Variants in UBE3D observed in about 807,000 individuals in gnomAD.
UBE3D encodes the protein E3 ubiquitin-protein ligase E3D.
A neutral mutation model predicts 49.6 loss-of-function variants in UBE3D; 48 were observed. That is an observed-to-expected ratio of 0.97 (90% CI 0.77 to 1.23). The LOEUF (loss-of-function observed/expected upper bound fraction) is 1.23. Among genes scored for constraint, UBE3D ranks in the 50% most tolerant of loss-of-function variants. The pLI is 0.00. For missense variants in UBE3D, 452 were observed against 468.4 expected (o/e 0.96, Z 0.32); for synonymous variants, 189 against 174.2 (o/e 1.08, Z -0.67).
intron 8 of UBE3D, among the ~76,000 whole-genome samples, chr6:82,992,711 T>TTGTAATTC (rs1778977952): frequency 1.3e-5 from 2 of 152,178 alleles, no homozygotes; most frequent in Admixed American, 1.3e-4. Flanking sequence ...GATCCAGTAG[T>TTGTAATTC]TGTAATTCCT....
At chr6:83,063,622 G>C (rs1309229132) in intron 1 of UBE3D, among the ~76,000 whole-genome samples, 1 of 151,958 alleles carries the variant, frequency 6.6e-6, no homozygotes, top group East Asian at 1.9e-4. Context: ...TTGCTAAAAA[G>C]CAAGTGAAAA....
chr6:82,929,216 T>C (rs1197714232), intron 9 of UBE3D, among the ~76,000 whole-genome samples: 2 of 152,164 alleles, frequency 1.3e-5, no homozygotes, highest in Non-Finnish European at 2.9e-5. Context: ...TCAACAGCCA[T>C]GTTTGTCTTA....
chr6:83,036,706 G>A (rs1782283191), intron 5 of UBE3D: 1 of 151,516 alleles, frequency 6.6e-6, no homozygotes, highest in African/African-American at 2.4e-5. Context: ...TGTAGGATGA[G>A]TGAATATAAG....
At chr6:83,027,350 C>A (rs560359942) in intron 5 of UBE3D, among the ~76,000 whole-genome samples, 2 of 144,900 alleles carry the variant, frequency 1.4e-5, no homozygotes, top group Non-Finnish European at 3.0e-5. Context: ...GCAGGAGAAT[C>A]GCTTGAACCC....
intron 8 of UBE3D, among the ~76,000 whole-genome samples, chr6:83,016,171 T>C (rs1780684258): frequency 6.6e-6 from 1 of 152,220 alleles, no homozygotes; most frequent in South Asian, 2.1e-4. Context: ...TCTTAGCAGA[T>C]TTGAGGCTTA....
chr6:82,970,889 C>G (rs1393343462), intron 8 of UBE3D, among the ~76,000 whole-genome samples: 1 of 151,894 alleles, frequency 6.6e-6, no homozygotes, highest in East Asian at 1.9e-4. Context: ...AAACTAGGGA[C>G]TCTCTCTCCT....
At chr6:82,898,541 G>A (rs1356654712) in intron 9 of UBE3D, among the ~76,000 whole-genome samples, 2 of 152,132 alleles carry the variant, frequency 1.3e-5, no homozygotes, top group African/African-American at 4.8e-5. Flanking sequence ...CATGGATGAA[G>A]CTGGAAATCA....
intron 9 of UBE3D, among the ~76,000 whole-genome samples, chr6:82,955,041 C>T (rs1308105757): frequency 2.6e-5 from 4 of 152,150 alleles, no homozygotes; most frequent in African/African-American, 9.7e-5. Flanking sequence ...TAGAAAAGGG[C>T]ATTGAGTAAT....
chr6:82,944,038 A>G (rs1775221661), intron 9 of UBE3D, among the ~76,000 whole-genome samples: 1 of 152,020 alleles, frequency 6.6e-6, no homozygotes, highest in South Asian at 2.1e-4. Context: ...AAAACTTGAA[A>G]CAACCTAGAC....
intron 8 of UBE3D, among the ~76,000 whole-genome samples, chr6:83,002,553 C>T (rs947116975): frequency 6.6e-6 from 1 of 152,166 alleles, no homozygotes; most frequent in Non-Finnish European, 1.5e-5. Context: ...GGCGTGGTAG[C>T]GGGCACCTGT....
Position 83,027,307 on chromosome 6 carries a change from A to T in UBE3D, c.668-3269T>A, listed in dbSNP as rs147853465. 9.6e-3 allele frequency among the ~76,000 whole-genome samples: 1,462 copies of T among 151,810 alleles called. 22 individuals carry two copies. Among genetic ancestry groups the T allele is most frequent in the African/African-American group, 0.033 (1,386 of 41,404 alleles). ...AAAAATTAGCCGGGCGTGGAGGTGC[A>T]TGTGTGTAATCCCAGCTACTTGGAA... On this transcript the variant is annotated intron_variant, in intron 5 of 9. Transcript: ENST00000369747.
At chr6:82,914,224 TCTGA>T (rs1295831928) in intron 9 of UBE3D, among the ~76,000 whole-genome samples, 2 of 152,236 alleles carry the variant, frequency 1.3e-5, no homozygotes, top group Non-Finnish European at 2.9e-5. Flanking sequence ...AAAGATGCAG[TCTGA>T]CTTTTAGAAA....
intron 9 of UBE3D, among the ~76,000 whole-genome samples, chr6:82,922,356 C>T (rs1257237525): frequency 6.6e-6 from 1 of 151,926 alleles, no homozygotes; most frequent in Non-Finnish European, 1.5e-5. Context: ...TAAAGTCTGC[C>T]AAGAACAGAA....
At chr6:83,048,450 A>T (rs1484487325) in intron 3 of UBE3D, among the ~76,000 whole-genome samples, 3 of 152,222 alleles carry the variant, frequency 2.0e-5, no homozygotes, top group African/African-American at 7.2e-5. Flanking sequence ...TTGTCTCCTG[A>T]CATACTGCAT....
chr6:83,009,615 T>C (rs1195884745), intron 8 of UBE3D, among the ~76,000 whole-genome samples: 1 of 143,656 alleles, frequency 7.0e-6, no homozygotes, highest in Non-Finnish European at 1.5e-5. Context: ...CTCACAGAGA[T>C]TGAGTGAATA....
At chr6:82,899,549 A>T (rs1421413731) in intron 9 of UBE3D, among the ~76,000 whole-genome samples, 2 of 152,208 alleles carry the variant, frequency 1.3e-5, no homozygotes, top group Non-Finnish European at 2.9e-5. Context: ...TCTAGGTAAA[A>T]GGCCAGCAGT....
At chr6:82,981,080 T>A (rs185352709) in intron 8 of UBE3D, among the ~76,000 whole-genome samples, 1 of 152,126 alleles carries the variant, frequency 6.6e-6, no homozygotes, top group African/African-American at 2.4e-5. Context: ...TAGTACCTTA[T>A]ATGTTATCCA....
At chr6:83,015,700 T>C (rs552932780) in intron 8 of UBE3D, among the ~76,000 whole-genome samples, 4 of 152,358 alleles carry the variant, frequency 2.6e-5, no homozygotes, top group African/African-American at 9.6e-5. Flanking sequence ...GTTATAGGTC[T>C]AGAAGCAAAC....
At chr6:82,953,382 G>A (rs889414462) in intron 9 of UBE3D, among the ~76,000 whole-genome samples, 10 of 152,294 alleles carry the variant, frequency 6.6e-5, no homozygotes, top group African/African-American at 2.2e-4. Context: ...TTTCTCATTT[G>A]TACAAAACAC....
Sources: gnomAD v4.1 joint callset for allele counts (sites outside exome capture counted in the v4.1 genomes callset) on GRCh38, gnomAD v4.1.1 for gene constraint, MANE v1.5 for transcripts, NCBI Gene and HGNC (gene_info 2026-07-23, HGNC 2026-07-21) for gene names.